ARHGEF4: variants seen among roughly 807,000 people sequenced by gnomAD.
ARHGEF4 encodes APC-stimulated guanine nucleotide exchange factor 1.
In ARHGEF4, 119 loss-of-function variants were observed where a neutral mutation model predicts 162.0. The observed-to-expected ratio is 0.73, with a 90% CI of 0.63 to 0.86. The LOEUF (loss-of-function observed/expected upper bound fraction) is 0.86. Among genes scored for constraint, ARHGEF4 ranks in the 40% least tolerant of loss-of-function variants. The probability of loss-of-function intolerance (pLI) is 0.00; values close to 1 mark genes in which losing one functional copy is unlikely to be tolerated. For synonymous variants in ARHGEF4, 1,014 were observed against 979.9 expected (o/e 1.03, Z -0.65); for missense variants, 2,488 against 2,456.0 (o/e 1.01, Z -0.28).
intron 2 of ARHGEF4, among the ~76,000 whole-genome samples, chr2:130,919,850 T>G (rs925693426): frequency 4.6e-5 from 7 of 150,770 alleles, no homozygotes; most frequent in Non-Finnish European, 5.9e-5. Flanking sequence ...CACTCCAACC[T>G]GGGCGACAGA....
rs556160624 is a variant in ARHGEF4, at chr2:131,040,106, A to G, written c.4396A>G (p.Ser1466Gly). The G allele has an allele frequency of 6.2e-7, 1 of 1,611,642 alleles. No individual in the cohort carries two copies. The highest frequency in any genetic ancestry group is 1.3e-5 in the African/African-American group (1 of 75,010). Residue 1466 changes from serine to glycine, a missense_variant, in exon 7 of 14, where the codon AGC becomes GGC. This residue lies in a region of ARHGEF4 where 174 missense variants were observed against 148.3 expected (regional missense o/e 1.17). Transcript: ENST00000409359. Reference sequence around the variant, plus strand: ...GGACGGCGGGGCGGAGGCGCAGAGCAGCAAGGACCAGATGCGGACCAACGT... The same window carrying G: ...GGACGGCGGGGCGGAGGCGCAGAGCGGCAAGGACCAGATGCGGACCAACGT... ...AEDGGAEAQS[S>G]KDQMRTNVIN...
chr2:130,903,725 G>A (rs780496696), intron 1 of ARHGEF4, among the ~76,000 whole-genome samples: 2 of 152,188 alleles, frequency 1.3e-5, no homozygotes, highest in African/African-American at 2.4e-5. Flanking sequence ...TCTCGTGATT[G>A]TGCCTGTGTG....
intron 4 of ARHGEF4, among the ~76,000 whole-genome samples, chr2:130,988,530 G>C (rs1686672856): frequency 6.6e-6 from 1 of 152,164 alleles, no homozygotes; most frequent in African/African-American, 2.4e-5. Flanking sequence ...CTCCAACCCA[G>C]AAACAATTGC....
intron 8 of ARHGEF4, 66 bp from the exon 9 acceptor site, chr2:131,041,164 C>A: frequency 6.8e-7 from 1 of 1,479,778 alleles, no homozygotes. Flanking sequence ...GCCCTTCCCA[C>A]ACATGCAGCT....
At chr2:130,888,483 T>C (rs2104981144) in intron 1 of ARHGEF4, among the ~76,000 whole-genome samples, 1 of 152,100 alleles carries the variant, frequency 6.6e-6, no homozygotes, top group South Asian at 2.1e-4. Flanking sequence ...AAAAAGTGCT[T>C]AACTTATTAA....
intron 1 of ARHGEF4, among the ~76,000 whole-genome samples, chr2:130,904,564 C>T (rs1441460109): frequency 2.0e-5 from 3 of 152,132 alleles, no homozygotes; most frequent in Admixed American, 6.6e-5. Flanking sequence ...TGAGATTCTT[C>T]TGTATGTCAG....
At chr2:130,963,234 G>A (rs1684740020) in intron 4 of ARHGEF4, among the ~76,000 whole-genome samples, 2 of 152,108 alleles carry the variant, frequency 1.3e-5, no homozygotes, top group Non-Finnish European at 2.9e-5. Flanking sequence ...ATCACCACAG[G>A]GTGTGTCCTG....
intron 5 of ARHGEF4, among the ~76,000 whole-genome samples, chr2:131,034,496 G>A (rs1188460725): frequency 5.3e-5 from 8 of 152,184 alleles, no homozygotes; most frequent in African/African-American, 1.9e-4. Context: ...AGGGTGGATC[G>A]CTCCCACCGG....
chr2:131,026,671 A>G (rs1360110113), intron 4 of ARHGEF4, among the ~76,000 whole-genome samples: 1 of 152,250 alleles, frequency 6.6e-6, no homozygotes, highest in African/African-American at 2.4e-5. Flanking sequence ...TAAAATGTCA[A>G]TTAAAATCAC....
intron 1 of ARHGEF4, among the ~76,000 whole-genome samples, chr2:130,855,946 A>G (rs1378617862): frequency 2.0e-5 from 3 of 152,226 alleles, no homozygotes; most frequent in Non-Finnish European, 2.9e-5. Flanking sequence ...CCAGTTTTCA[A>G]CAACAAAACA....
At chr2:130,955,051 A>G (rs546167217) in intron 4 of ARHGEF4, among the ~76,000 whole-genome samples, 1 of 151,968 alleles carries the variant, frequency 6.6e-6, no homozygotes, top group East Asian at 1.9e-4. Flanking sequence ...TCTTCCATCT[A>G]TTCAAACCAG....
intron 5 of ARHGEF4, chr2:131,035,038 C>T (rs1304064263): frequency 3.0e-6 from 3 of 991,886 alleles, no homozygotes; most frequent in Non-Finnish European, 3.6e-6. Flanking sequence ...GGGCCACCGG[C>T]TCGGCCCTGT....
At chr2:131,012,380 T>C (rs540348564) in intron 4 of ARHGEF4, among the ~76,000 whole-genome samples, 2 of 152,278 alleles carry the variant, frequency 1.3e-5, no homozygotes. Flanking sequence ...TGACCACCCA[T>C]AAGAAGCCTT....
At chr2:131,004,332 A>AT (rs1687975805) in intron 4 of ARHGEF4, among the ~76,000 whole-genome samples, 1 of 151,944 alleles carries the variant, frequency 6.6e-6, no homozygotes, top group East Asian at 1.9e-4. Flanking sequence ...TGCTTGTCTA[A>AT]TTTTTTGTAT....
At chr2:130,979,180 T>C (rs1351469182) in intron 4 of ARHGEF4, among the ~76,000 whole-genome samples, 1 of 152,182 alleles carries the variant, frequency 6.6e-6, no homozygotes, top group Non-Finnish European at 1.5e-5. Flanking sequence ...TACAACAATT[T>C]AACGTGACAA....
chr2:131,011,903 C>T (rs1261875399), intron 4 of ARHGEF4: 3 of 702,804 alleles, frequency 4.3e-6, no homozygotes, highest in Non-Finnish European at 7.8e-6. Context: ...GGGACCTGCA[C>T]TGGAGGTACG....
At chr2:130,923,796 G>T (rs1249594454) in intron 2 of ARHGEF4, among the ~76,000 whole-genome samples, 1 of 152,168 alleles carries the variant, frequency 6.6e-6, no homozygotes, top group Non-Finnish European at 1.5e-5. Context: ...AGCCTCATAT[G>T]TTAGTAATGT....
In ARHGEF4 at chr2:131,041,375, A is replaced by C; in HGVS notation, c.4808A>C (p.Asp1603Ala). The change falls in exon 9 of 14, where the codon GAT becomes GCT. Residue 1603 changes from aspartate (D) to alanine (A), a missense_variant. Physicochemically the swap from Asp to Ala is moderately radical, Grantham distance 126. This residue lies in a region of ARHGEF4 where 415 missense variants were observed against 512.4 expected (regional missense o/e 0.81). Transcript: ENST00000409359. ...LLQKMIDISLDGFLLTPVQKI... is the reference protein window; with the variant it reads ...LLQKMIDISLAGFLLTPVQKI... ...CAGAAGATGATTGACATCTCCCTGG[A>C]TGGCTTCCTGCTGACTCCGGTGCAG... is the stretch of plus-strand genomic sequence containing the variant. The C allele has an allele frequency of 2.5e-6, 4 of 1,613,474 alleles. 1 individual carries two copies. In the Middle Eastern group the frequency reaches 6.6e-4, roughly 266 times the overall value.
intron 1 of ARHGEF4, among the ~76,000 whole-genome samples, chr2:130,841,096 G>A (rs272114): frequency 6.6e-6 from 1 of 151,990 alleles, no homozygotes; most frequent in South Asian, 2.1e-4. Context: ...ACAGAGTCTC[G>A]CTTTGTCACC....
Sources: gnomAD v4.1 joint callset for allele counts (sites outside exome capture counted in the v4.1 genomes callset) on GRCh38, gnomAD v4.1.1 for gene constraint, gnomAD v4.1.1 regional missense constraint, MANE v1.5 for transcripts, NCBI Gene and HGNC (gene_info 2026-07-23, HGNC 2026-07-21) for gene names.